Variants in PREX1 observed in about 807,000 individuals in gnomAD.
The protein encoded by PREX1 is phosphatidylinositol 3,4,5-trisphosphate-dependent Rac exchanger 1 protein.
A neutral mutation model predicts 198.3 loss-of-function variants in PREX1; 41 were observed. The observed-to-expected ratio is 0.21, with a 90% CI of 0.16 to 0.27. The LOEUF (loss-of-function observed/expected upper bound fraction) is 0.27, where lower values mean the gene tolerates loss of function less well. Among genes scored for constraint, PREX1 ranks in the 10% least tolerant of loss-of-function variants. The pLI is 1.00. For synonymous variants in PREX1, 843 were observed against 887.2 expected (o/e 0.95, Z 0.89); for missense variants, 1,620 against 2,200.7 (o/e 0.74, Z 5.28).
At chr20:48,768,325 G>A (rs981159761) in intron 1 of PREX1, among the ~76,000 whole-genome samples, 2 of 152,200 alleles carry the variant, frequency 1.3e-5, no homozygotes, top group African/African-American at 4.8e-5. Flanking sequence ...TCACACAACA[G>A]AAAATGATTC....
chr20:48,734,007 C>A (rs983168519), intron 4 of PREX1, among the ~76,000 whole-genome samples: 1 of 152,190 alleles, frequency 6.6e-6, no homozygotes, highest in Non-Finnish European at 1.5e-5. Flanking sequence ...CCCGCCTCGG[C>A]CTCCCAAGTG....
chr20:48,851,611 T>C, the PREX1 span, among the ~76,000 whole-genome samples: 1 of 152,200 alleles, frequency 6.6e-6, no homozygotes. Flanking sequence ...GACCATCCCT[T>C]GGTCCTGTGA....
At chr20:48,838,340 A>G in the PREX1 span, among the ~76,000 whole-genome samples, 1 of 152,164 alleles carries the variant, frequency 6.6e-6, no homozygotes, top group Non-Finnish European at 1.5e-5. Flanking sequence ...AAATATATAT[A>G]CACCTATATT....
intron 5 of PREX1, among the ~76,000 whole-genome samples, chr20:48,725,406 C>A (rs1422809759): frequency 1.3e-5 from 2 of 152,372 alleles, no homozygotes; most frequent in East Asian, 3.9e-4. Context: ...ATCTGTCCAG[C>A]AGCCAGGCTG....
chr20:48,646,453 T>A (rs1477545473), intron 25 of PREX1, among the ~76,000 whole-genome samples: 1 of 151,772 alleles, frequency 6.6e-6, no homozygotes, highest in Admixed American at 6.6e-5. Flanking sequence ...GAGGCTGAGG[T>A]GGGCTGATCA....
At chr20:48,732,043 C>G (rs2090036816) in intron 4 of PREX1, among the ~76,000 whole-genome samples, 1 of 152,228 alleles carries the variant, frequency 6.6e-6, no homozygotes, top group Admixed American at 6.5e-5. Flanking sequence ...TGCAAGCCAA[C>G]AGGTCAATGC....
intron 1 of PREX1, among the ~76,000 whole-genome samples, chr20:48,761,625 A>G (rs11086264): frequency 0.34 from 51,530 of 151,922 alleles, 10,046 homozygotes; most frequent in Non-Finnish European, 0.43. Flanking sequence ...GGGGGAAGGC[A>G]GTGGGGGACA....
At chr20:48,884,179 T>C in the PREX1 span, among the ~76,000 whole-genome samples, 1 of 151,482 alleles carries the variant, frequency 6.6e-6, no homozygotes, top group Non-Finnish European at 1.5e-5. Context: ...TTCTTTTTAG[T>C]TGGCTGACCC....
rs375417887 is a variant in PREX1, at chr20:48,750,359, G to T, written c.220-2479C>A. 1.1e-3 allele frequency among the ~76,000 whole-genome samples: 162 copies of T among 152,212 alleles called. 3 individuals are homozygous for T. Among genetic ancestry groups the T allele is most frequent in the African/African-American group, 3.3e-3 (138 of 41,524 alleles). On this transcript the variant is annotated intron_variant, in intron 1 of 39. Transcript: ENST00000371941. ...GGGAGATCCCTTTAAATATGTACAGGAGATCAGTCAATCCATGCCTTTAAA... is the reference window on the plus strand; with the variant it reads ...GGGAGATCCCTTTAAATATGTACAGTAGATCAGTCAATCCATGCCTTTAAA...
intron 1 of PREX1, among the ~76,000 whole-genome samples, chr20:48,769,320 C>G (rs1194203977): frequency 6.6e-6 from 1 of 152,164 alleles, no homozygotes; most frequent in African/African-American, 2.4e-5. Flanking sequence ...TGAGACGTGC[C>G]TTGAATCCTG....
At chr20:48,716,427 C>T (rs2089962905) in intron 5 of PREX1, among the ~76,000 whole-genome samples, 1 of 152,178 alleles carries the variant, frequency 6.6e-6, no homozygotes, top group East Asian at 1.9e-4. Context: ...AGGCGCAGGG[C>T]CTCAAACCCA....
chr20:48,719,838 C>T (rs776266409), intron 5 of PREX1, among the ~76,000 whole-genome samples: 13 of 152,134 alleles, frequency 8.5e-5, no homozygotes, highest in Non-Finnish European at 1.8e-4. Context: ...CACACACAGC[C>T]AGAGGGACCC....
At chr20:48,640,040 G>A (rs934220490) in intron 29 of PREX1, 146 bp from the exon 30 acceptor site, 8 of 1,100,770 alleles carry the variant, frequency 7.3e-6, no homozygotes, top group African/African-American at 3.1e-5. Flanking sequence ...GCATTATCGG[G>A]TCCACAGAGG....
chr20:48,732,513 G>A (rs901029279), intron 4 of PREX1, among the ~76,000 whole-genome samples: 1 of 152,154 alleles, frequency 6.6e-6, no homozygotes, highest in Non-Finnish European at 1.5e-5. Context: ...GTGGAGAGAC[G>A]TCTGTGACCG....
At chr20:48,670,567 G>C (rs1438956391) in intron 14 of PREX1, among the ~76,000 whole-genome samples, 3 of 152,224 alleles carry the variant, frequency 2.0e-5, no homozygotes, top group Non-Finnish European at 4.4e-5. Flanking sequence ...CCAGTGGAGA[G>C]GTGAAGAGAG....
At position 48,700,842 on chromosome 20, in the gene PREX1, C is replaced by T. The variant is rs772444612; in HGVS notation, c.828G>A (p.Gly276=). 4 of 1,614,152 alleles carry T rather than the reference C, an allele frequency of 2.5e-6. No individual in the cohort carries two copies. The highest frequency in any genetic ancestry group is 2.2e-5 in the South Asian group (2 of 91,088). The change falls in exon 7 of 40, where the codon GGG becomes GGA. Residue 276 remains glycine (G), a synonymous_variant. Coordinates refer to ENST00000371941, the MANE Select transcript of PREX1 (RefSeq NM_020820.4). ...TGCCCGCAGAGATCTTTAACAAAGT[C>T]CCTTGCAGGAGGAGCTGAGTGCAGA... ...TDICTQLLLQ[G]TLLKISAGNI...
the PREX1 span, among the ~76,000 whole-genome samples, chr20:48,871,569 A>C: frequency 9.8e-5 from 1 of 10,218 alleles, no homozygotes; most frequent in African/African-American, 4.3e-4. Flanking sequence ...AAAAAAAAAA[A>C]AAAAAAAAAA....
chr20:48,656,076 C>G (rs1443274838), intron 18 of PREX1, among the ~76,000 whole-genome samples: 2 of 152,180 alleles, frequency 1.3e-5, no homozygotes, highest in African/African-American at 4.8e-5. Flanking sequence ...CACATACCAA[C>G]CCATCGATCA....
intron 17 of PREX1, 112 bp downstream of exon 17, chr20:48,658,024 G>T: frequency 9.5e-7 from 1 of 1,050,578 alleles, no homozygotes; most frequent in Non-Finnish European, 1.4e-6. Context: ...GAGAAGAGGA[G>T]TCAGCGATCA....
Sources: gnomAD v4.1 joint callset for allele counts (sites outside exome capture counted in the v4.1 genomes callset) on GRCh38, gnomAD v4.1.1 for gene constraint, MANE v1.5 for transcripts, NCBI Gene and HGNC (gene_info 2026-07-23, HGNC 2026-07-21) for gene names.